SCFD2: variants seen among roughly 807,000 people sequenced by gnomAD.
SCFD2 encodes sec1 family domain containing 2.
A neutral mutation model predicts 58.9 loss-of-function variants in SCFD2; 54 were observed. The ratio of observed to expected loss-of-function variants is 0.92; its 90% confidence interval spans 0.74 to 1.15. The LOEUF (loss-of-function observed/expected upper bound fraction) is 1.15, where lower values mean the gene tolerates loss of function less well. Among genes scored for constraint, SCFD2 ranks in the 50% most tolerant of loss-of-function variants. The probability of loss-of-function intolerance (pLI) is 0.00; values close to 1 mark genes in which losing one functional copy is unlikely to be tolerated. For synonymous variants in SCFD2, 321 were observed against 335.9 expected (o/e 0.96, Z 0.49); for missense variants, 805 against 836.6 (o/e 0.96, Z 0.47).
intron 4 of SCFD2, among the ~76,000 whole-genome samples, chr4:53,250,432 A>T (rs1391898115): frequency 6.6e-6 from 1 of 152,206 alleles, no homozygotes; most frequent in Non-Finnish European, 1.5e-5. Context: ...AATTGAACTC[A>T]GCTCTGCACC....
intron 5 of SCFD2, chr4:52,949,046 GCCA>G (rs1354854681): frequency 6.6e-6 from 1 of 152,650 alleles, no homozygotes; most frequent in Non-Finnish European, 1.5e-5. Context: ...ATGTTGCTGA[GCCA>G]CCAACTCTCT....
chr4:53,097,304 G>A (rs773544586), intron 5 of SCFD2, among the ~76,000 whole-genome samples: 1 of 152,146 alleles, frequency 6.6e-6, no homozygotes, highest in Non-Finnish European at 1.5e-5. Flanking sequence ...ATTACCTTGG[G>A]CAGTATGGCT....
chr4:53,079,425 A>G (rs770403270), intron 5 of SCFD2, among the ~76,000 whole-genome samples: 1 of 152,222 alleles, frequency 6.6e-6, no homozygotes, highest in African/African-American at 2.4e-5. Flanking sequence ...CTCTCTGGGC[A>G]TACCTTAGCC....
intron 4 of SCFD2, among the ~76,000 whole-genome samples, chr4:53,195,135 A>G (rs1048641908): frequency 6.6e-6 from 1 of 152,176 alleles, no homozygotes; most frequent in Admixed American, 6.6e-5. Flanking sequence ...TGACTTGAGC[A>G]TGTTACTCAA....
At chr4:53,332,920 G>C (rs1016382710) in intron 2 of SCFD2, among the ~76,000 whole-genome samples, 13 of 151,486 alleles carry the variant, frequency 8.6e-5, no homozygotes, top group South Asian at 2.1e-4. Flanking sequence ...CAAAATCAAT[G>C]TACAAAAATC....
chr4:53,229,786 T>A (rs1412341450), intron 4 of SCFD2, among the ~76,000 whole-genome samples: 1 of 152,110 alleles, frequency 6.6e-6, no homozygotes, highest in Non-Finnish European at 1.5e-5. Flanking sequence ...CTCATTAAAC[T>A]AAAGAGCTTC....
intron 2 of SCFD2, among the ~76,000 whole-genome samples, chr4:53,337,179 T>A (rs1043446744): frequency 2.0e-4 from 30 of 152,212 alleles, no homozygotes; most frequent in South Asian, 6.2e-4. Context: ...AAGGCCCCTT[T>A]CTTTGGCTTG....
chr4:53,208,317 G>A (rs1017450839), intron 4 of SCFD2, among the ~76,000 whole-genome samples: 1 of 151,968 alleles, frequency 6.6e-6, no homozygotes, highest in Non-Finnish European at 1.5e-5. Flanking sequence ...CATTGACATT[G>A]AAAACAATAA....
chr4:53,205,063 A>G (rs1171287555), intron 4 of SCFD2, among the ~76,000 whole-genome samples: 2 of 152,044 alleles, frequency 1.3e-5, no homozygotes, highest in Non-Finnish European at 2.9e-5. Context: ...AATGTCCTCT[A>G]AAAAACAGGA....
At chr4:53,272,827 A>C (rs1731216109) in intron 4 of SCFD2, among the ~76,000 whole-genome samples, 1 of 152,214 alleles carries the variant, frequency 6.6e-6, no homozygotes, top group Non-Finnish European at 1.5e-5. Flanking sequence ...CACGTTGTGC[A>C]CATGTACCCT....
chr4:52,901,809 G>C (rs1012544197), intron 7 of SCFD2, among the ~76,000 whole-genome samples: 2 of 152,204 alleles, frequency 1.3e-5, no homozygotes, highest in African/African-American at 4.8e-5. Flanking sequence ...AGTTCAACCA[G>C]TTGCAATATG....
At chr4:53,099,390 C>T (rs1265572617) in intron 5 of SCFD2, among the ~76,000 whole-genome samples, 1 of 152,174 alleles carries the variant, frequency 6.6e-6, no homozygotes, top group African/African-American at 2.4e-5. Context: ...ATTAAATATC[C>T]TCTAATGGGT....
intron 3 of SCFD2, among the ~76,000 whole-genome samples, chr4:53,305,871 G>A (rs1042042953): frequency 6.6e-6 from 1 of 152,152 alleles, no homozygotes; most frequent in African/African-American, 2.4e-5. Context: ...GTCACTCTTG[G>A]ATTCCACAGG....
At position 53,178,333 on chromosome 4, in the gene SCFD2, C is replaced by T. The variant is rs940149072; in HGVS notation, c.1312-32751G>A. 4.6e-5 allele frequency among the ~76,000 whole-genome samples: 7 copies of T among 152,296 alleles called. No individual in the cohort carries two copies. The South Asian group carries it at 8.3e-4, about 18-fold the overall frequency. On this transcript the variant is annotated intron_variant, in intron 4 of 8. Coordinates refer to ENST00000401642, the MANE Select transcript of SCFD2 (RefSeq NM_152540.4). ...AGGAACGGTCAGGCAGCAACATCTG[C>T]GGTTCACCAATATCCGCTGTTCTGC... is the stretch of plus-strand genomic sequence containing the variant.
At chr4:53,139,565 G>C (rs1220098992) in intron 5 of SCFD2, among the ~76,000 whole-genome samples, 1 of 150,184 alleles carries the variant, frequency 6.7e-6, no homozygotes, top group Non-Finnish European at 1.5e-5. Flanking sequence ...CCCTCCGCCC[G>C]GCAGCCGCCC....
At chr4:53,216,256 G>A (rs1420377169) in intron 4 of SCFD2, among the ~76,000 whole-genome samples, 1 of 152,150 alleles carries the variant, frequency 6.6e-6, no homozygotes, top group Non-Finnish European at 1.5e-5. Context: ...GTAGAATTCG[G>A]CTGTGAATTC....
At chr4:53,244,242 T>C (rs1477375558) in intron 4 of SCFD2, among the ~76,000 whole-genome samples, 11 of 152,208 alleles carry the variant, frequency 7.2e-5, no homozygotes, top group Admixed American at 6.5e-4. Context: ...ATGGACCTGA[T>C]TGACATATAC....
intron 5 of SCFD2, among the ~76,000 whole-genome samples, chr4:53,053,000 T>C (rs1374574712): frequency 6.6e-6 from 1 of 152,060 alleles, no homozygotes; most frequent in East Asian, 1.9e-4. Context: ...GGTGGGTGGA[T>C]CACTTGCGGT....
At chr4:53,313,463 T>C (rs977350346) in intron 3 of SCFD2, among the ~76,000 whole-genome samples, 173 bp downstream of exon 3, 1 of 152,194 alleles carries the variant, frequency 6.6e-6, no homozygotes, top group African/African-American at 2.4e-5. Flanking sequence ...AGAAAAGTGG[T>C]CATTGCTGAG....
Sources: gnomAD v4.1 joint callset for allele counts (sites outside exome capture counted in the v4.1 genomes callset) on GRCh38, gnomAD v4.1.1 for gene constraint, MANE v1.5 for transcripts, NCBI Gene and HGNC (gene_info 2026-07-23, HGNC 2026-07-21) for gene names.